The following PLCB1 variants were observed in gnomAD, a reference collection of about 807,000 sequenced individuals.
The protein encoded by PLCB1 is phospholipase C beta 1.
In PLCB1, 46 loss-of-function variants were observed where a neutral mutation model predicts 161.8. That is an observed-to-expected ratio of 0.28 (90% CI 0.22 to 0.36). The LOEUF is 0.36. Among genes scored for constraint, PLCB1 ranks in the 10% least tolerant of loss-of-function variants. The pLI, the probability that PLCB1 is intolerant of heterozygous loss-of-function variation, is 1.00. For synonymous variants in PLCB1, 517 were observed against 503.7 expected, an observed-to-expected ratio of 1.03 and a Z score of -0.35; for missense variants, 1,016 against 1,472.5, an observed-to-expected ratio of 0.69 and a Z score of 5.07.
intron 20 of PLCB1, among the ~76,000 whole-genome samples, chr20:8,737,730 A>G (rs573902249): frequency 6.6e-6 from 1 of 152,316 alleles, no homozygotes; most frequent in African/African-American, 2.4e-5. Flanking sequence ...ATGTAAAGGA[A>G]GAAAGTAGGT....
intron 31 of PLCB1, among the ~76,000 whole-genome samples, chr20:8,822,900 C>G (rs765841490): frequency 3.9e-5 from 6 of 152,184 alleles, no homozygotes; most frequent in Non-Finnish European, 8.8e-5. Context: ...GTTCCACATC[C>G]ATGGACTCAA....
intron 10 of PLCB1, among the ~76,000 whole-genome samples, chr20:8,685,413 G>A (rs897562041): frequency 3.3e-5 from 5 of 151,942 alleles, no homozygotes; most frequent in Non-Finnish European, 7.4e-5. Context: ...GGTTCTCTGG[G>A]CTGTGTTCAT....
At chr20:8,539,109 C>A (rs981703386) in intron 3 of PLCB1, among the ~76,000 whole-genome samples, 2 of 152,084 alleles carry the variant, frequency 1.3e-5, no homozygotes, top group Non-Finnish European at 2.9e-5. Context: ...CTTAACTACC[C>A]CTCTCCTTAA....
intron 2 of PLCB1, among the ~76,000 whole-genome samples, chr20:8,307,956 C>A (rs923470299): frequency 1.3e-5 from 2 of 151,848 alleles, no homozygotes; most frequent in African/African-American, 4.8e-5. Flanking sequence ...AACAAAAACA[C>A]CTATACTTGA....
chr20:8,236,983 T>C (rs1193215327), intron 2 of PLCB1, among the ~76,000 whole-genome samples: 2 of 152,066 alleles, frequency 1.3e-5, no homozygotes, highest in Non-Finnish European at 2.9e-5. Flanking sequence ...TGGTTGACAG[T>C]GGGGAGGTTA....
intron 7 of PLCB1, among the ~76,000 whole-genome samples, chr20:8,655,533 A>AAGG (rs1186958133): frequency 6.6e-6 from 1 of 152,072 alleles, no homozygotes; most frequent in East Asian, 1.9e-4. Flanking sequence ...GTTCAAGGGG[A>AAGG]AGGCAAGGCT....
intron 3 of PLCB1, among the ~76,000 whole-genome samples, chr20:8,469,234 C>T (rs1309709994): frequency 6.6e-6 from 1 of 152,148 alleles, no homozygotes; most frequent in South Asian, 2.1e-4. Flanking sequence ...TGAGAACACC[C>T]TCTTTGCTGG....
intron 3 of PLCB1, among the ~76,000 whole-genome samples, chr20:8,399,116 C>T: frequency 6.8e-6 from 1 of 146,018 alleles, no homozygotes; most frequent in African/African-American, 2.6e-5. Context: ...TCGTGATTTT[C>T]CATTTAGATC....
chr20:8,877,611 A>G lies in PLCB1; in HGVS notation c.3424-4011A>G, dbSNP rs905356362. On this transcript the variant is annotated intron_variant, in intron 31 of 31. Transcript: ENST00000338037. ...ACATGACTTGCCTGGCCCCTGTAAC[A>G]TCTGAGTTTGCAACCCTTGGGCTGG... Among the ~76,000 whole-genome samples the G allele has an allele frequency of 2.6e-5, 4 of 152,282 alleles. No individual in the cohort carries two copies. In the South Asian group the frequency reaches 8.3e-4, roughly 32 times the overall value.
intron 3 of PLCB1, among the ~76,000 whole-genome samples, chr20:8,605,981 G>A (rs769612495): frequency 1.3e-5 from 2 of 152,086 alleles, no homozygotes; most frequent in African/African-American, 4.8e-5. Flanking sequence ...CACAAGACAT[G>A]ATTTCATTCT....
intron 3 of PLCB1, among the ~76,000 whole-genome samples, chr20:8,428,693 C>A (rs997625155): frequency 6.6e-5 from 10 of 152,094 alleles, no homozygotes; most frequent in Admixed American, 3.9e-4. Context: ...GGAATTGTGG[C>A]CGATTGAATA....
chr20:8,545,239 G>A (rs2122972550), intron 3 of PLCB1, among the ~76,000 whole-genome samples: 1 of 152,316 alleles, frequency 6.6e-6, no homozygotes, highest in South Asian at 2.1e-4. Flanking sequence ...GAAAATACAA[G>A]GCATTTCTGG....
intron 1 of PLCB1, among the ~76,000 whole-genome samples, chr20:8,140,477 A>G (rs2051391251): frequency 6.6e-6 from 1 of 152,168 alleles, no homozygotes; most frequent in African/African-American, 2.4e-5. Flanking sequence ...TTTTGCTGTA[A>G]TATTTCCTCT....
intron 3 of PLCB1, among the ~76,000 whole-genome samples, chr20:8,492,672 T>A (rs1982993901): frequency 6.6e-6 from 1 of 152,042 alleles, no homozygotes; most frequent in African/African-American, 2.4e-5. Context: ...TGTGCCTAAG[T>A]GATAATGTAA....
chr20:8,381,370 G>A (rs988614099), intron 3 of PLCB1, among the ~76,000 whole-genome samples: 26 of 152,262 alleles, frequency 1.7e-4, no homozygotes, highest in African/African-American at 4.8e-4. Context: ...TTTTTGCATC[G>A]ATGTTCATCA....
At chr20:8,494,397 G>T (rs867842554) in intron 3 of PLCB1, among the ~76,000 whole-genome samples, 1 of 152,058 alleles carries the variant, frequency 6.6e-6, no homozygotes, top group Non-Finnish European at 1.5e-5. Flanking sequence ...TCATGTATTC[G>T]AGATAAGATA....
intron 3 of PLCB1, among the ~76,000 whole-genome samples, chr20:8,440,541 A>G (rs528742613): frequency 7.0e-4 from 106 of 152,260 alleles, no homozygotes; most frequent in African/African-American, 2.4e-3. Context: ...GTTCTTGTCT[A>G]TGGATCCAGA....
chr20:8,532,118 G>C (rs576261329), intron 3 of PLCB1, among the ~76,000 whole-genome samples: 1 of 152,096 alleles, frequency 6.6e-6, no homozygotes, highest in East Asian at 1.9e-4. Flanking sequence ...TCTAAAATTA[G>C]TGTCTTATTT....
intron 2 of PLCB1, among the ~76,000 whole-genome samples, chr20:8,173,660 A>G (rs1379321206): frequency 6.6e-6 from 1 of 152,202 alleles, no homozygotes; most frequent in Non-Finnish European, 1.5e-5. Flanking sequence ...AATTTAGTCA[A>G]CCTCAAGATG....
Sources: allele counts gnomAD v4.1 joint callset (sites outside exome capture counted in the v4.1 genomes callset), GRCh38; gene constraint gnomAD v4.1.1; transcripts MANE v1.5; gene names NCBI Gene and HGNC (gene_info 2026-07-23, HGNC 2026-07-21).